Variants in SLAMF9 observed in about 807,000 individuals in gnomAD.
SLAMF9 encodes the protein CD2 family member 10.
A neutral mutation model predicts 30.4 loss-of-function variants in SLAMF9; 25 were observed. That is an observed-to-expected ratio of 0.82 (90% confidence interval 0.60 to 1.15). The LOEUF is 1.15. SLAMF9 is among the 50% of genes most tolerant of loss of function. The pLI is 0.00. For missense variants in SLAMF9, 344 were observed against 346.1 expected (o/e 0.99, Z 0.05); for synonymous variants, 129 against 127.2 (o/e 1.01, Z -0.09).
chr1:159,972,062 G>T, the SLAMF9 span, among the ~76,000 whole-genome samples: 4 of 152,126 alleles, frequency 2.6e-5, no homozygotes, highest in Admixed American at 6.5e-5. Context: ...AGACAACCCT[G>T]GGGGGAGGGT....
At chr1:159,967,520 T>C in the SLAMF9 span, among the ~76,000 whole-genome samples, 1 of 152,232 alleles carries the variant, frequency 6.6e-6, no homozygotes. Context: ...TAATATACTT[T>C]AAAGTCAGGT....
At chr1:159,957,693 A>G (rs1362735727), upstream of SLAMF9, among the ~76,000 whole-genome samples, 1 of 152,258 alleles carries the variant, frequency 6.6e-6, no homozygotes, top group Non-Finnish European at 1.5e-5. Flanking sequence ...ATAAGACAAC[A>G]CTTACGTTAA....
At chr1:159,969,738 A>C in the SLAMF9 span, among the ~76,000 whole-genome samples, 6 of 152,174 alleles carry the variant, frequency 3.9e-5, no homozygotes, top group Non-Finnish European at 7.4e-5. Flanking sequence ...CCCCACTTAA[A>C]ATCCTTTAAA....
the SLAMF9 span, among the ~76,000 whole-genome samples, chr1:159,968,212 T>G: frequency 6.6e-6 from 1 of 152,216 alleles, no homozygotes; most frequent in Admixed American, 6.5e-5. Flanking sequence ...TTTTCTCCAT[T>G]GAGTATAATA....
upstream of SLAMF9, among the ~76,000 whole-genome samples, chr1:159,957,589 A>C (rs1183344164): frequency 2.0e-5 from 3 of 152,090 alleles, no homozygotes; most frequent in South Asian, 2.1e-4. Context: ...GTGCCACTGC[A>C]CCCCAGCCTG....
At chr1:159,973,184 C>T in the SLAMF9 span, 3 of 1,504,350 alleles carry the variant, frequency 2.0e-6, no homozygotes, top group Non-Finnish European at 2.8e-6. Context: ...AGGCTGACCT[C>T]AGGGGGTGCA....
chr1:159,954,450 G>A (rs1466929549), upstream of SLAMF9, among the ~76,000 whole-genome samples: 2 of 151,876 alleles, frequency 1.3e-5, no homozygotes, highest in African/African-American at 2.4e-5. Flanking sequence ...CTTCCTACCC[G>A]CCCCAGGTCC....
At position 159,952,608 on chromosome 1, in the gene SLAMF9, T is replaced by A. The variant is rs186669605; in HGVS notation, c.392-74A>T. Reference sequence around the variant, plus strand: ...TCTGTTTTCCTAAGCTCCTCAAACCTGGGGTACTAATGCTACCCCTTGACA... The same window carrying A: ...TCTGTTTTCCTAAGCTCCTCAAACCAGGGGTACTAATGCTACCCCTTGACA... On this transcript the variant is annotated intron_variant, in intron 2 of 3. Transcript: ENST00000368093. 2.1e-4 allele frequency: 325 copies of A among 1,526,064 alleles called. 1 individual carries two copies. The African/African-American group carries it at 3.8e-3, about 18-fold the overall frequency. 94.5% of individuals were successfully genotyped at this position (1,526,064 alleles called of 1,614,324 possible).
the SLAMF9 span, among the ~76,000 whole-genome samples, chr1:159,969,310 C>T: frequency 3.3e-4 from 50 of 152,216 alleles, 1 homozygote; most frequent in African/African-American, 1.2e-3. Flanking sequence ...TCTTTGCTTT[C>T]CCAAGCTCAC....
the SLAMF9 span, among the ~76,000 whole-genome samples, chr1:159,966,597 C>T: frequency 2.0e-4 from 30 of 152,240 alleles, no homozygotes; most frequent in African/African-American, 5.8e-4. Flanking sequence ...TACAAGTGTT[C>T]CCTTTTTTCT....
chr1:159,966,687 GT>G, the SLAMF9 span, among the ~76,000 whole-genome samples: 1 of 152,042 alleles, frequency 6.6e-6, no homozygotes, highest in East Asian at 1.9e-4. Flanking sequence ...CCTCATTGTG[GT>G]TTTAATTTGC....
chr1:159,966,201 C>T, the SLAMF9 span, among the ~76,000 whole-genome samples: 1 of 152,122 alleles, frequency 6.6e-6, no homozygotes, highest in South Asian at 2.1e-4. Context: ...TAAGATCATG[C>T]AGTATTTACC....
chr1:159,958,547 A>G (rs1651978712), upstream of SLAMF9, among the ~76,000 whole-genome samples: 1 of 151,754 alleles, frequency 6.6e-6, no homozygotes, highest in Admixed American at 6.6e-5. Context: ...TGCAGCCTCA[A>G]CCTCCTGGGC....
At chr1:159,953,951 C>CCA in intron 1 of SLAMF9, 141 bp downstream of exon 1, 1 of 1,010,080 alleles carries the variant, frequency 9.9e-7, no homozygotes, top group African/African-American at 1.6e-5. Context: ...TGCCCTGAAG[C>CCA]CACACACCCT....
chr1:159,960,060 A>T, the SLAMF9 span, among the ~76,000 whole-genome samples: 18,101 of 151,742 alleles, frequency 0.12, 1,210 homozygotes, highest in Middle Eastern at 0.22. Flanking sequence ...ACATGTGCAC[A>T]ACGTGCAGGT....
chr1:159,964,123 G>C, the SLAMF9 span, among the ~76,000 whole-genome samples: 2 of 152,162 alleles, frequency 1.3e-5, no homozygotes, highest in African/African-American at 4.8e-5. Flanking sequence ...GTCATGATGG[G>C]AGAAAGCAGA....
intron 1 of SLAMF9, 127 bp from the exon 2 acceptor site, chr1:159,953,780 G>C: frequency 2.4e-6 from 2 of 836,452 alleles, no homozygotes; most frequent in Non-Finnish European, 3.6e-6. Context: ...ACTAAATCCT[G>C]TTCTCCAGCT....
the SLAMF9 span, chr1:159,980,677 G>A: frequency 6.6e-6 from 1 of 152,338 alleles, no homozygotes; most frequent in African/African-American, 2.4e-5. Context: ...GAGTAGCTGG[G>A]ATTACAGGCA....
At chr1:159,971,744 C>T in the SLAMF9 span, among the ~76,000 whole-genome samples, 3 of 152,092 alleles carry the variant, frequency 2.0e-5, no homozygotes, top group Admixed American at 1.3e-4. Flanking sequence ...AGAAAGTGGG[C>T]GTCCTGGCAG....
Sources: allele counts gnomAD v4.1 joint callset (sites outside exome capture counted in the v4.1 genomes callset), GRCh38; gene constraint gnomAD v4.1.1; transcripts MANE v1.5; gene names NCBI Gene and HGNC (gene_info 2026-07-23, HGNC 2026-07-21).